PDXDC1: variants seen among roughly 807,000 people sequenced by gnomAD.
The protein encoded by PDXDC1 is pyridoxal-dependent decarboxylase domain-containing protein 1.
PDXDC1 carries 42 observed loss-of-function variants against 100.1 expected under a neutral mutation model. The ratio of observed to expected loss-of-function variants is 0.42; its 90% CI spans 0.33 to 0.54. The LOEUF is 0.54. Among genes scored for constraint, PDXDC1 ranks in the 20% least tolerant of loss-of-function variants. The pLI is 0.10. For synonymous variants in PDXDC1, 260 were observed against 371.7 expected (o/e 0.70, Z 3.46); for missense variants, 636 against 979.2 (o/e 0.65, Z 4.68).
At chr16:15,140,475 G>A (rs1381752008), downstream of PDXDC1, among the ~76,000 whole-genome samples, 1 of 150,602 alleles carries the variant, frequency 6.6e-6, no homozygotes. Context: ...AAAGAAAAAG[G>A]ACGGAGGGCG....
At chr16:15,047,427 C>G (rs2044120016) in intron 16 of PDXDC1, 1 of 1,481,230 alleles carries the variant, frequency 6.8e-7, no homozygotes, top group Non-Finnish European at 9.4e-7. Context: ...CCTATGAGAG[C>G]AGCGTAGATC....
rs537168390 is a variant in PDXDC1, at chr16:15,135,908, G to A, written c.1400-2971G>A. Reference sequence around the variant, plus strand: ...GTGCCCCACAGGCAGCGCCAGCCGCGGCAGCACCAGCTGAGGCCGGCTCAC... The same window carrying A: ...GTGCCCCACAGGCAGCGCCAGCCGCAGCAGCACCAGCTGAGGCCGGCTCAC... On this transcript the variant is annotated intron_variant, in intron 16 of 16. Coordinates refer to the PDXDC1 transcript ENST00000535621. 1.3e-4 allele frequency: 207 copies of A among 1,584,274 alleles called. 2 individuals carry two copies. In the South Asian group the frequency reaches 1.9e-3, roughly 15 times the overall value.
At chr16:15,078,899 C>T (rs549201964) in intron 16 of PDXDC1, among the ~76,000 whole-genome samples, 1 of 151,764 alleles carries the variant, frequency 6.6e-6, no homozygotes, top group South Asian at 2.1e-4. Context: ...GCAAGCTCCA[C>T]CTCCCGGATT....
At chr16:15,091,445 T>C in intron 16 of PDXDC1, 1 of 933,682 alleles carries the variant, frequency 1.1e-6, no homozygotes, top group Non-Finnish European at 1.6e-6. Context: ...CTTTTAACCG[T>C]ACTTTAACAT....
Position 15,126,048 on chromosome 16 carries a change from T to C in PDXDC1, c.1400-12831T>C, listed in dbSNP as rs1012878159. The C allele has an allele frequency of 8.7e-6, 5 of 571,612 alleles. No individual in the cohort carries two copies. The East Asian group carries it at 1.2e-4, about 13-fold the overall frequency. 35.4% of individuals were successfully genotyped at this position (571,612 alleles called of 1,614,324 possible). A position where few individuals can be genotyped will look rare whatever the true frequency, so the allele number is the denominator to read the frequency against. On this transcript the variant is annotated intron_variant, in intron 16 of 16. Coordinates refer to the PDXDC1 transcript ENST00000535621. ...CAGAGTTTTCAATTTCATTTTTTTT[T>C]TTCTTAGATGGAGTCTCGCTCTGTC...
At chr16:14,979,299 T>G (rs1395873902) in intron 1 of PDXDC1, among the ~76,000 whole-genome samples, 29 of 30,442 alleles carry the variant, frequency 9.5e-4, no homozygotes, top group African/African-American at 5.0e-3. Context: ...CAATTCGTGT[T>G]TTTTTTTTGA....
chr16:14,994,139 TTTAA>T (rs1391755311), intron 1 of PDXDC1, among the ~76,000 whole-genome samples: 10 of 152,290 alleles, frequency 6.6e-5, no homozygotes, highest in African/African-American at 2.4e-4. Flanking sequence ...AGCTCTTTAG[TTTAA>T]TTAGATCCCA....
At position 15,110,707 on chromosome 16, in the gene PDXDC1, C is replaced by G. The variant is rs763998279; in HGVS notation, c.1400-28172C>G. The G allele has an allele frequency of 3.1e-6, 5 of 1,587,928 alleles. No homozygotes were observed. The East Asian group carries it at 8.9e-5, about 28-fold the overall frequency. On this transcript the variant is annotated intron_variant, in intron 16 of 16. Transcript: ENST00000535621. The stretch of plus-strand genomic sequence containing the variant: ...AACTCATTTCCACACTATGGGGACT[C>G]CAACAGAACCATACCTTCCTGTCTA...
chr16:15,133,713 G>T, intron 16 of PDXDC1: 1 of 1,603,380 alleles, frequency 6.2e-7, no homozygotes, highest in Non-Finnish European at 8.5e-7. Flanking sequence ...CCTGAGGGAC[G>T]GTCCCCATGG....
the PDXDC1 span, among the ~76,000 whole-genome samples, chr16:15,148,508 G>T: frequency 1.4e-5 from 2 of 146,936 alleles, no homozygotes; most frequent in African/African-American, 5.0e-5. Context: ...TCAGTCTCTT[G>T]AATAGCTGGG....
At chr16:15,022,968 C>T (rs2042321165) in intron 13 of PDXDC1, among the ~76,000 whole-genome samples, 2 of 152,278 alleles carry the variant, frequency 1.3e-5, no homozygotes, top group African/African-American at 2.4e-5. Flanking sequence ...GAAATTTGAA[C>T]CATACAATGT....
intron 16 of PDXDC1, chr16:15,094,447 A>C (rs1262878935): frequency 3.4e-6 from 2 of 589,284 alleles, no homozygotes; most frequent in Non-Finnish European, 6.0e-6. Flanking sequence ...CTAGTGCGTG[A>C]GTATAAGGAG....
chr16:15,061,927 T>C (rs1228077178), intron 16 of PDXDC1: 20 of 1,598,032 alleles, frequency 1.3e-5, no homozygotes, highest in Non-Finnish European at 1.6e-5. Flanking sequence ...TCAGAAATCA[T>C]CAGTAACATC....
At chr16:14,996,947 T>C (rs1417028313) in intron 1 of PDXDC1, among the ~76,000 whole-genome samples, 1 of 152,288 alleles carries the variant, frequency 6.6e-6, no homozygotes, top group Non-Finnish European at 1.5e-5. Context: ...TAAGTGATCT[T>C]ACCAAAGACC....
intron 17 of PDXDC1, 100 bp from the exon 18 acceptor site, chr16:15,032,761 C>A: frequency 1.4e-6 from 1 of 737,556 alleles, no homozygotes; most frequent in South Asian, 1.6e-5. Context: ...CCCACTGGTT[C>A]CACTGCATTG....
downstream of PDXDC1, among the ~76,000 whole-genome samples, chr16:15,143,766 CCAGA>C (rs1223621511): frequency 6.6e-6 from 1 of 152,198 alleles, no homozygotes; most frequent in Admixed American, 6.5e-5. Context: ...GGGAATGGCC[CCAGA>C]CAAACCAGAC....
intron 16 of PDXDC1, among the ~76,000 whole-genome samples, chr16:15,087,459 C>A (rs942966453): frequency 6.6e-6 from 1 of 152,188 alleles, no homozygotes; most frequent in East Asian, 1.9e-4. Flanking sequence ...TATCCTCTGT[C>A]CACCGTCCCA....
rs976533149 is a variant in PDXDC1 at position 15,131,560 on chromosome 16, T to C, written c.1400-7319T>C. On this transcript the variant is annotated intron_variant, in intron 16 of 16. Transcript: ENST00000535621. ...GCCCGCCAGTGTCAGGGGCTCCTCG[T>C]TGAGCACGCGGGAGCGCGTGAGGAT... 29 of 1,609,046 alleles carry C rather than the reference T, an allele frequency of 1.8e-5. 1 individual carries two copies. The highest frequency in any genetic ancestry group is 1.7e-4 in the Admixed American group (10 of 59,920).
intron 8 of PDXDC1, among the ~76,000 whole-genome samples, chr16:15,012,229 G>C (rs1317877465): frequency 6.6e-6 from 1 of 152,066 alleles, no homozygotes; most frequent in Non-Finnish European, 1.5e-5. Context: ...TTAGCCTCCC[G>C]AGTACCTGGG....
Sources: allele counts gnomAD v4.1 joint callset (sites outside exome capture counted in the v4.1 genomes callset), GRCh38; gene constraint gnomAD v4.1.1; transcripts MANE v1.5; gene names NCBI Gene and HGNC (gene_info 2026-07-23, HGNC 2026-07-21).